Variants in ATAD2B observed in about 807,000 individuals in gnomAD.
ATAD2B encodes the protein ATPase family AAA domain containing 2B.
ATAD2B carries 40 observed loss-of-function variants against 167.6 expected under a neutral mutation model. The observed-to-expected ratio is 0.24, with a 90% CI of 0.19 to 0.31. The LOEUF is 0.31. Among genes scored for constraint, ATAD2B ranks in the 10% least tolerant of loss-of-function variants. The pLI is 1.00. For missense variants in ATAD2B, 1,242 were observed against 1,757.2 expected, an observed-to-expected ratio of 0.71 and a Z score of 5.24; for synonymous variants, 579 against 596.5, an observed-to-expected ratio of 0.97 and a Z score of 0.43.
intron 1 of ATAD2B, among the ~76,000 whole-genome samples, chr2:23,925,803 A>G (rs959504236): frequency 2.0e-5 from 3 of 152,220 alleles, no homozygotes; most frequent in African/African-American, 7.2e-5. Flanking sequence ...ACAAAAATGT[A>G]GACACCCAAG....
At chr2:23,781,736 C>CTTT (rs112432597) in intron 22 of ATAD2B, among the ~76,000 whole-genome samples, 2 of 144,498 alleles carry the variant, frequency 1.4e-5, no homozygotes, top group African/African-American at 5.0e-5. Context: ...ACTGCTGTTT[C>CTTT]TTTTTTTTTT....
At chr2:23,915,393 C>G (rs1702889045) in intron 1 of ATAD2B, among the ~76,000 whole-genome samples, 1 of 151,024 alleles carries the variant, frequency 6.6e-6, no homozygotes, top group Admixed American at 6.6e-5. Flanking sequence ...TACGGTCACC[C>G]TACCTATTAA....
intron 13 of ATAD2B, among the ~76,000 whole-genome samples, chr2:23,852,132 A>G (rs935480091): frequency 6.6e-6 from 1 of 152,264 alleles, no homozygotes; most frequent in African/African-American, 2.4e-5. Flanking sequence ...ACAGCCCTGT[A>G]TCAACTGAAG....
chr2:23,818,011 ATACT>A (rs769138144), intron 17 of ATAD2B, among the ~76,000 whole-genome samples: 19 of 151,972 alleles, frequency 1.3e-4, no homozygotes, highest in South Asian at 2.1e-4. Flanking sequence ...ACGTCTTTTG[ATACT>A]TACTTAGTTT....
At chr2:23,858,438 T>C (rs1239625777) in intron 12 of ATAD2B, among the ~76,000 whole-genome samples, 1 of 151,256 alleles carries the variant, frequency 6.6e-6, no homozygotes, top group Non-Finnish European at 1.5e-5. Context: ...TCTTTTTATA[T>C]AACAATGTAT....
rs1442927527 is a variant in ATAD2B, at chr2:23,754,169, A to G, written c.4335+10T>C. The G allele has an allele frequency of 2.0e-6, 3 of 1,503,614 alleles. No homozygotes were observed. Among genetic ancestry groups the G allele is most frequent in the Middle Eastern group, 1.8e-4 (1 of 5,674 alleles). 93.1% of individuals were successfully genotyped at this position (1,503,614 alleles called of 1,614,324 possible). ...TATTTGTTTATTCTACAGATAAACT[A>G]AACACTTACCTCTACAAGTTGTGAT... is the stretch of plus-strand genomic sequence containing the variant. On this transcript the variant is annotated intron_variant, in intron 27 of 27. Transcript: ENST00000238789.
At chr2:23,890,994 T>C (rs555652066) in intron 2 of ATAD2B, among the ~76,000 whole-genome samples, 1 of 151,712 alleles carries the variant, frequency 6.6e-6, no homozygotes, top group Admixed American at 6.6e-5. Context: ...AATACATGAG[T>C]ATATTAAAAG....
intron 13 of ATAD2B, among the ~76,000 whole-genome samples, chr2:23,834,381 C>T (rs1160421920): frequency 1.3e-5 from 2 of 151,666 alleles, no homozygotes; most frequent in African/African-American, 4.8e-5. Context: ...AGGCTGGTCT[C>T]GAACTCCTGA....
At chr2:23,885,975 C>T (rs1228322432) in intron 4 of ATAD2B, 146 bp from the exon 5 acceptor site, 3 of 529,662 alleles carry the variant, frequency 5.7e-6, no homozygotes, top group Middle Eastern at 4.7e-4. Context: ...GATAGAGTGT[C>T]CCTCTGTCAC....
intron 19 of ATAD2B, 51 bp from the exon 20 acceptor site, chr2:23,788,698 C>T: frequency 1.4e-6 from 2 of 1,404,664 alleles, no homozygotes; most frequent in East Asian, 2.4e-5. Flanking sequence ...GAATTAAAAG[C>T]TTACATATCA....
chr2:23,907,176 T>C (rs2150487528), intron 1 of ATAD2B, among the ~76,000 whole-genome samples: 1 of 152,132 alleles, frequency 6.6e-6, no homozygotes, highest in East Asian at 1.9e-4. Flanking sequence ...GGAAGTCAAA[T>C]TGTCCCTGTT....
At chr2:23,701,634 GCCCAGAAGAT>G in the ATAD2B span, among the ~76,000 whole-genome samples, 3 of 151,232 alleles carry the variant, frequency 2.0e-5, no homozygotes, top group Admixed American at 2.0e-4. Context: ...AATTGTTTAA[GCCCAGAAGAT>G]CAAGGCTGCA....
chr2:23,890,690 T>C (rs1405825662), intron 2 of ATAD2B, among the ~76,000 whole-genome samples: 3 of 152,210 alleles, frequency 2.0e-5, no homozygotes, highest in African/African-American at 7.2e-5. Flanking sequence ...GGTTGGAATT[T>C]CACATCACTT....
chr2:23,817,973 TGAC>T (rs1293622292), intron 17 of ATAD2B, among the ~76,000 whole-genome samples: 2 of 152,148 alleles, frequency 1.3e-5, no homozygotes. Flanking sequence ...ATTCCTTTAT[TGAC>T]GACAATTATC....
chr2:23,788,124 A>G (rs115844772), intron 20 of ATAD2B: 255 of 174,046 alleles, frequency 1.5e-3, no homozygotes, highest in South Asian at 2.4e-3. Flanking sequence ...TTAGCCCATC[A>G]AATCTATCAT....
chr2:23,731,291 A>C, the ATAD2B span, among the ~76,000 whole-genome samples: 5 of 152,248 alleles, frequency 3.3e-5, no homozygotes, highest in Non-Finnish European at 5.9e-5. Context: ...GCACTGTTAG[A>C]TAAGCAGATA....
At chr2:23,763,549 T>C (rs10207766) in intron 23 of ATAD2B, among the ~76,000 whole-genome samples, 2,418 of 152,284 alleles carry the variant, frequency 0.016, 62 homozygotes, top group African/African-American at 0.055. Context: ...TCATACAATA[T>C]GTAGTCTTCT....
At chr2:23,706,405 C>A in the ATAD2B span, 1 of 1,191,676 alleles carries the variant, frequency 8.4e-7, no homozygotes, top group Non-Finnish European at 1.1e-6. Context: ...TACAACAGGA[C>A]ACGACGTTGA....
chr2:23,807,035 G>GCT (rs1197792968), intron 18 of ATAD2B, among the ~76,000 whole-genome samples: 1 of 152,122 alleles, frequency 6.6e-6, no homozygotes, highest in Non-Finnish European at 1.5e-5. Flanking sequence ...GCCAGGCATG[G>GCT]CTCTCTCTAT....
Sources: allele counts gnomAD v4.1 joint callset (sites outside exome capture counted in the v4.1 genomes callset), GRCh38; gene constraint gnomAD v4.1.1; transcripts MANE v1.5; gene names NCBI Gene and HGNC (gene_info 2026-07-23, HGNC 2026-07-21).